ATXN7L1: variants seen among roughly 807,000 people sequenced by gnomAD.
ATXN7L1 encodes ataxin 7 like 1.
In ATXN7L1, 15 loss-of-function variants were observed where a neutral mutation model predicts 70.8. The ratio of observed to expected loss-of-function variants is 0.21; its 90% CI spans 0.14 to 0.33. The LOEUF (loss-of-function observed/expected upper bound fraction) is 0.33, where lower values mean the gene tolerates loss of function less well. Among genes scored for constraint, ATXN7L1 ranks in the 10% least tolerant of loss-of-function variants. ATXN7L1 has a pLI of 1.00. For missense variants in ATXN7L1, 975 were observed against 1,097.1 expected (o/e 0.89, Z 1.57); for synonymous variants, 440 against 445.1 (o/e 0.99, Z 0.14).
intron 2 of ATXN7L1, among the ~76,000 whole-genome samples, chr7:105,859,003 T>C (rs1470894218): frequency 4.6e-5 from 7 of 152,054 alleles, no homozygotes; most frequent in African/African-American, 1.4e-4. Flanking sequence ...ATGCAGTACA[T>C]GAACCATAAC....
In ATXN7L1 at chr7:105,645,107, G is replaced by GT. The variant is rs1002924857; in HGVS notation, c.579-1987dup. ...GGGGATGGGGAAGGGAGAATGGGCAGTTTTTTTTAATGCCCGTTGAACAAC... is the reference window on the plus strand; with the variant it reads ...GGGGATGGGGAAGGGAGAATGGGCAGTTTTTTTTTAATGCCCGTTGAACAAC... On this transcript the variant is annotated intron_variant, in intron 4 of 11. Transcript: ENST00000419735. 3.3e-3 allele frequency among the ~76,000 whole-genome samples: 495 copies of GT among 151,760 alleles called. 2 individuals are homozygous for GT. Among genetic ancestry groups the GT allele is most frequent in the African/African-American group, 0.011 (473 of 41,342 alleles).
chr7:105,638,688 A>G (rs1467444497), intron 6 of ATXN7L1, 79 bp from the exon 7 acceptor site: 2 of 1,446,578 alleles, frequency 1.4e-6, no homozygotes, highest in Non-Finnish European at 1.8e-6. Context: ...CATTTCAGAA[A>G]TAGCAATTCA....
chr7:105,875,697 A>T lies in ATXN7L1; in HGVS notation c.250+115T>A, dbSNP rs186359443. On this transcript the variant is annotated intron_variant, in intron 2 of 11. Coordinates refer to ENST00000419735, the MANE Select transcript of ATXN7L1 (RefSeq NM_020725.2). The stretch of plus-strand genomic sequence containing the variant: ...AGCAGTAGTCACCTGGGCGTGCTCA[A>T]TTTTTGACAAGCCTTAGTCACTCTG... 401 of 871,724 alleles carry T rather than the reference A, an allele frequency of 4.6e-4. 3 individuals are homozygous for T. In the African/African-American group the frequency reaches 6.8e-3, roughly 15 times the overall value. The allele number at this position is 871,724 out of a possible 1,614,324, so 54.0% of individuals were successfully genotyped here.
At chr7:105,642,632 G>A (rs1584475248) in intron 5 of ATXN7L1, among the ~76,000 whole-genome samples, 1 of 152,282 alleles carries the variant, frequency 6.6e-6, no homozygotes, top group African/African-American at 2.4e-5. Context: ...GCACTGAACT[G>A]AGTGAGGGAC....
intron 10 of ATXN7L1, chr7:105,613,375 C>T (rs1381311268): frequency 1.8e-6 from 1 of 556,856 alleles, no homozygotes; most frequent in East Asian, 1.4e-4. Flanking sequence ...GAGCCGGGCA[C>T]AGGCGCTCCC....
intron 7 of ATXN7L1, among the ~76,000 whole-genome samples, chr7:105,626,842 C>T (rs748299449): frequency 3.3e-5 from 5 of 152,200 alleles, no homozygotes; most frequent in Non-Finnish European, 5.9e-5. Flanking sequence ...TCCTTCCAGA[C>T]GTTGTTACTG....
At chr7:105,718,857 C>A (rs773394225) in intron 3 of ATXN7L1, among the ~76,000 whole-genome samples, 5 of 152,192 alleles carry the variant, frequency 3.3e-5, no homozygotes, top group Non-Finnish European at 7.3e-5. Flanking sequence ...AAGGTTACAG[C>A]ATGGGAGGGC....
At chr7:105,652,754 T>C (rs1948791041) in intron 4 of ATXN7L1, among the ~76,000 whole-genome samples, 1 of 152,248 alleles carries the variant, frequency 6.6e-6, no homozygotes, top group Admixed American at 6.5e-5. Flanking sequence ...CCTAAGCCTT[T>C]GGCCTTCAAG....
chr7:105,868,371 G>A (rs1023416297), intron 2 of ATXN7L1, among the ~76,000 whole-genome samples: 16 of 152,286 alleles, frequency 1.1e-4, no homozygotes, highest in African/African-American at 3.9e-4. Flanking sequence ...CCCAGTTCTG[G>A]CACGTCAGGA....
At chr7:105,872,355 A>C (rs116235839) in intron 2 of ATXN7L1, among the ~76,000 whole-genome samples, 2 of 152,150 alleles carry the variant, frequency 1.3e-5, no homozygotes, top group Non-Finnish European at 2.9e-5. Flanking sequence ...TAGTCTATTA[A>C]AAATATATGA....
rs1488602376 is a variant in ATXN7L1, at chr7:105,614,657, T to C, written c.1677A>G (p.Thr559=). 3.2e-6 allele frequency: 5 copies of C among 1,551,590 alleles called. No individual in the cohort carries two copies. Among genetic ancestry groups the C allele is most frequent in the Non-Finnish European group, 4.4e-6 (5 of 1,147,016 alleles). ...SSRLTSSYIM[T]SAMLSNAAFV... is the part of the protein sequence containing the mutation. Reference sequence around the variant, plus strand: ...AAGCTGCGTTTGAGAGCATGGCTGATGTCATTATGTAAGAAGAGGTGAGCC... The same window carrying C: ...AAGCTGCGTTTGAGAGCATGGCTGACGTCATTATGTAAGAAGAGGTGAGCC... The change falls in exon 10 of 12, where the codon ACA becomes ACG. Residue 559 remains threonine, a synonymous_variant. Transcript: ENST00000419735. The surrounding 1 kb of genome is among the most constrained non-coding windows in gnomAD (Gnocchi z 4.3).
chr7:105,859,645 A>T (rs1816263315), intron 2 of ATXN7L1, among the ~76,000 whole-genome samples: 1 of 152,194 alleles, frequency 6.6e-6, no homozygotes, highest in African/African-American at 2.4e-5. Context: ...TACCAATGGG[A>T]ATATCATAGA....
intron 3 of ATXN7L1, among the ~76,000 whole-genome samples, chr7:105,674,338 G>A (rs552211240): frequency 6.6e-6 from 1 of 152,306 alleles, no homozygotes; most frequent in South Asian, 2.1e-4. Context: ...GGGAAAGCAG[G>A]CTTTCTTGAG....
At chr7:105,613,370 G>C (rs113471736) in intron 10 of ATXN7L1, 439 of 494,998 alleles carry the variant, frequency 8.9e-4, no homozygotes, top group Non-Finnish European at 1.1e-3. Context: ...CCCGGGAGCC[G>C]GGCACAGGCG....
In ATXN7L1 at chr7:105,862,007, C is replaced by G. The variant is rs552582634; in HGVS notation, c.250+13805G>C. On this transcript the variant is annotated intron_variant, in intron 2 of 11. Transcript: ENST00000419735. Reference sequence around the variant, plus strand: ...CTAATTCTCTCTGGGTCCTGCCCCGCTTCTGCAAAAGATGATGAGGAAGGG... The same window carrying G: ...CTAATTCTCTCTGGGTCCTGCCCCGGTTCTGCAAAAGATGATGAGGAAGGG... Among the ~76,000 whole-genome samples, 11 of 152,282 alleles carry G rather than the reference C, an allele frequency of 7.2e-5. No homozygotes were observed. In the East Asian group the frequency reaches 2.1e-3, roughly 29 times the overall value.
At chr7:105,826,752 G>A (rs1810926317) in intron 2 of ATXN7L1, among the ~76,000 whole-genome samples, 1 of 152,112 alleles carries the variant, frequency 6.6e-6, no homozygotes, top group South Asian at 2.1e-4. Context: ...AAATGAGAAG[G>A]AGGCTGGACA....
chr7:105,858,042 G>A (rs773501856), intron 2 of ATXN7L1, among the ~76,000 whole-genome samples: 1 of 152,066 alleles, frequency 6.6e-6, no homozygotes, highest in Non-Finnish European at 1.5e-5. Flanking sequence ...GACCAGCCTG[G>A]GCAACATAGC....
chr7:105,843,568 A>T (rs1203921785), intron 2 of ATXN7L1, among the ~76,000 whole-genome samples: 1 of 152,108 alleles, frequency 6.6e-6, no homozygotes, highest in Non-Finnish European at 1.5e-5. Flanking sequence ...TGAGCCTTTG[A>T]CTCACTCTGC....
chr7:105,793,112 AC>A (rs1316992266), intron 2 of ATXN7L1, among the ~76,000 whole-genome samples: 1 of 152,256 alleles, frequency 6.6e-6, no homozygotes, highest in African/African-American at 2.4e-5. Context: ...AATGCTTCTT[AC>A]GTAGAACAAC....
Sources: allele counts gnomAD v4.1 joint callset (sites outside exome capture counted in the v4.1 genomes callset), GRCh38; gene constraint gnomAD v4.1.1; non-coding constraint Gnocchi (gnomAD v3.1); transcripts MANE v1.5; gene names NCBI Gene and HGNC (gene_info 2026-07-23, HGNC 2026-07-21).